The following CLSTN3 variants were observed in gnomAD, a reference collection of about 807,000 sequenced individuals.
CLSTN3 encodes calsyntenin 3.
A neutral mutation model predicts 95.9 loss-of-function variants in CLSTN3; 36 were observed. The observed-to-expected ratio is 0.38, with a 90% CI of 0.29 to 0.50. The LOEUF is 0.50. CLSTN3 is among the 20% of genes least tolerant of loss of function. The pLI is 0.95. For synonymous variants in CLSTN3, 481 were observed against 504.0 expected (o/e 0.95, Z 0.61); for missense variants, 1,084 against 1,268.8 (o/e 0.85, Z 2.21).
chr12:7,135,183 C>A, intron 3 of CLSTN3, 144 bp from the exon 4 acceptor site: 1 of 750,806 alleles, frequency 1.3e-6, no homozygotes, highest in Non-Finnish European at 2.3e-6. Flanking sequence ...TCGAACCTGT[C>A]CCTCCATGTG....
In CLSTN3 at chr12:7,134,000, C is replaced by T; in HGVS notation, c.383+232C>T. 2.3e-6 allele frequency: 1 copy of T among 436,408 alleles called. No individual in the cohort carries two copies. The highest frequency in any genetic ancestry group is 4.0e-6 in the Non-Finnish European group (1 of 247,968). 27.0% of individuals were successfully genotyped at this position (436,408 alleles called of 1,614,324 possible). A position where few individuals can be genotyped will look rare whatever the true frequency, so the allele number is the denominator to read the frequency against. ...CTAATCTTGGCTTTGCCTCTCATGA[C>T]CTTGGGCAGCCTAGCCTTTCTGGAC... On this transcript the variant is annotated intron_variant, in intron 3 of 17. Coordinates refer to ENST00000266546, the MANE Select transcript of CLSTN3 (RefSeq NM_014718.4). The surrounding 1 kb of genome is among the most constrained non-coding windows in gnomAD (Gnocchi z 4.7).
rs1939275552 is a variant in CLSTN3, at chr12:7,130,518, C to G, written c.-131C>G. On this transcript the variant is annotated 5_prime_UTR_variant, in exon 1 of 18. Coordinates refer to ENST00000266546, the MANE Select transcript of CLSTN3 (RefSeq NM_014718.4). ...TATGGACTAGTGTGGGCGGCAGGCT[C>G]CTTTCCGTCCCTGCCCTGCTGTACC... 5.8e-6 allele frequency: 9 copies of G among 1,539,584 alleles called. No homozygotes were observed. The Admixed American group carries it at 1.8e-4, about 30-fold the overall frequency.
intron 1 of CLSTN3, among the ~76,000 whole-genome samples, chr12:7,132,037 TG>T (rs1939314032): frequency 6.6e-6 from 1 of 150,982 alleles, no homozygotes; most frequent in Non-Finnish European, 1.5e-5. Flanking sequence ...GAGGCTGGGG[TG>T]GGGGGTGATG....
In CLSTN3 at chr12:7,137,538, G is replaced by C. The variant is rs555921760; in HGVS notation, c.1211-417G>C. Among the ~76,000 whole-genome samples, 3 of 152,296 alleles carry C rather than the reference G, an allele frequency of 2.0e-5. No individual in the cohort carries two copies. The South Asian group carries it at 6.2e-4, about 32-fold the overall frequency. On this transcript the variant is annotated intron_variant, in intron 7 of 17. Transcript: ENST00000266546. The surrounding 1 kb of genome is among the most constrained non-coding windows in gnomAD (Gnocchi z 4.4). ...CTCAACTGCAGGGCCTACTTCACTG[G>C]AGAGGGCTTAGTCTTGACCTGCTCT...
rs1206492325 is a variant in CLSTN3, at chr12:7,149,392, T to G, written c.2075-131T>G. ...AATGAATTGTTGCATAATGATATTC[T>G]TGAAAATGATGCTGACTTCCCTCTC... On this transcript the variant is annotated intron_variant, in intron 13 of 17. Coordinates refer to ENST00000266546, the MANE Select transcript of CLSTN3 (RefSeq NM_014718.4). This position sits in a 1 kb window ranked among gnomAD's most constrained non-coding sequence, Gnocchi z 4.5. The G allele has an allele frequency of 5.2e-6, 5 of 953,958 alleles. No homozygotes were observed. The highest frequency in any genetic ancestry group is 7.9e-6 in the Non-Finnish European group (5 of 630,648). 59.1% of individuals were successfully genotyped at this position (953,958 alleles called of 1,614,324 possible).
At chr12:7,151,722 A>G (rs772968875) in intron 16 of CLSTN3, among the ~76,000 whole-genome samples, 1 of 152,228 alleles carries the variant, frequency 6.6e-6, no homozygotes, top group East Asian at 1.9e-4. Context: ...GAGTTGCGTA[A>G]TTGTAGAAAA....
rs1432088810 is a variant in CLSTN3 at position 7,157,427 on chromosome 12, C to T, written c.2528-62C>T. 12 of 1,442,446 alleles carry T rather than the reference C, an allele frequency of 8.3e-6. No individual in the cohort carries two copies. Among genetic ancestry groups the T allele is most frequent in the Non-Finnish European group, 1.0e-5 (11 of 1,075,526 alleles). The allele number at this position is 1,442,446 out of a possible 1,614,324, so 89.4% of individuals were successfully genotyped here. On this transcript the variant is annotated intron_variant, in intron 16 of 17. Transcript: ENST00000266546. The surrounding 1 kb of genome is among the most constrained non-coding windows in gnomAD (Gnocchi z 5.9). ...GCTGCCTCTTTTCCTACCCAGCCCC[C>T]TGTCCAAGTGCCCCCAGGTGTGCCT... is the stretch of plus-strand genomic sequence containing the variant.
At chr12:7,144,982 C>T (rs1939599548) in intron 12 of CLSTN3, among the ~76,000 whole-genome samples, 1 of 151,618 alleles carries the variant, frequency 6.6e-6, no homozygotes, top group South Asian at 2.1e-4. Flanking sequence ...GGGCTGTCAT[C>T]CAGTTATGAA....
Position 7,132,863 on chromosome 12 carries a change from G to T in CLSTN3, c.65-161G>T, listed in dbSNP as rs779143173. On this transcript the variant is annotated intron_variant, in intron 1 of 17. Transcript: ENST00000266546. Reference sequence around the variant, plus strand: ...AGACCCTCTGACTCCTTTAGTAGCTGATTTCTTGTCCTCAACCACCCGCCT... The same window carrying T: ...AGACCCTCTGACTCCTTTAGTAGCTTATTTCTTGTCCTCAACCACCCGCCT... 4 of 870,098 alleles carry T rather than the reference G, an allele frequency of 4.6e-6. No homozygotes were observed. In the East Asian group the frequency reaches 1.1e-4, roughly 23 times the overall value. The allele number at this position is 870,098 out of a possible 1,614,324, so 53.9% of individuals were successfully genotyped here.
At chr12:7,129,534 TTC>T (rs1462068340), upstream of CLSTN3, 8 of 842,284 alleles carry the variant, frequency 9.5e-6, no homozygotes, top group African/African-American at 1.3e-4. The surrounding 1 kb of genome is among the most constrained non-coding windows in gnomAD (Gnocchi z 5.5). Flanking sequence ...GAGAATTTTA[TTC>T]TTTTTGGCTT....
rs770482600 is a variant in CLSTN3 at position 7,135,379 on chromosome 12, G to A, written c.436G>A (p.Val146Met). ...TGTGAACGAGTTTGCCCCAGTGTTT[G>A]TGGAACGGCTGTATCGTGCGGCTGT... ...NDVNEFAPVF[V>M]ERLYRAAVTE... Residue 146 changes from valine (V) to methionine (M), a missense_variant, in exon 4 of 18, where the codon GTG (valine) becomes ATG (methionine). By Grantham distance (21) the Val-to-Met change is conservative. Coordinates refer to ENST00000266546, the MANE Select transcript of CLSTN3 (RefSeq NM_014718.4). The A allele has an allele frequency of 1.2e-6, 2 of 1,614,168 alleles. No individual in the cohort carries two copies. Among genetic ancestry groups the A allele is most frequent in the Non-Finnish European group, 1.7e-6 (2 of 1,180,020 alleles).
chr12:7,130,975 C>T, intron 1 of CLSTN3: 2 of 570,094 alleles, frequency 3.5e-6, no homozygotes, highest in Non-Finnish European at 3.2e-6. Flanking sequence ...CATTCCCGTC[C>T]TGGGGTCTCT....
rs145584691 is a variant in CLSTN3 at position 7,141,322 on chromosome 12, C to T, written c.1404C>T (p.Phe468=). The T allele has an allele frequency of 6.2e-6, 10 of 1,614,188 alleles. No individual in the cohort carries two copies. The highest frequency in any genetic ancestry group is 6.8e-6 in the Non-Finnish European group (8 of 1,180,012). The change falls in exon 9 of 18, where the codon TTC becomes TTT. Residue 468 remains phenylalanine, a synonymous_variant. Transcript: ENST00000266546. The surrounding 1 kb of genome is among the most constrained non-coding windows in gnomAD (Gnocchi z 4.1). The part of the protein sequence containing the change: ...TVTLYTDGIS[F]DPALIHDNGL... ...CACTCTATACCGACGGCATCTCCTT[C>T]GACCCTGCCCTCATCCATGACAATG...
chr12:7,145,710 A>C (rs1939612720), intron 12 of CLSTN3, among the ~76,000 whole-genome samples: 1 of 152,180 alleles, frequency 6.6e-6, no homozygotes, highest in South Asian at 2.1e-4. Context: ...TCTATCTAGA[A>C]GTTCTGCTAG....
At position 7,150,727 on chromosome 12, in the gene CLSTN3, C is replaced by A; in HGVS notation, c.2391+38C>A. The A allele has an allele frequency of 6.2e-7, 1 of 1,602,756 alleles. No individual in the cohort carries two copies. Among genetic ancestry groups the A allele is most frequent in the Non-Finnish European group, 8.5e-7 (1 of 1,170,800 alleles). On this transcript the variant is annotated intron_variant, in intron 15 of 17. Transcript: ENST00000266546. This position sits in a 1 kb window ranked among gnomAD's most constrained non-coding sequence, Gnocchi z 4.0. The stretch of plus-strand genomic sequence containing the variant: ...TCTCCTTCCTTCCACAGTTACCCAC[C>A]CCCAGAAAGGAGCTGAGGTGGCATG...
At chr12:7,132,415 C>G (rs1939323313) in intron 1 of CLSTN3, 1 of 204,098 alleles carries the variant, frequency 4.9e-6, no homozygotes, top group Non-Finnish European at 1.0e-5. Flanking sequence ...ATTCCTGCCC[C>G]TCTCTGCCCC....
chr12:7,129,797 G>A, upstream of CLSTN3: 2 of 985,772 alleles, frequency 2.0e-6, no homozygotes, highest in Non-Finnish European at 2.4e-6. The surrounding 1 kb of genome is among the most constrained non-coding windows in gnomAD (Gnocchi z 5.5). Flanking sequence ...GGCAGGACAG[G>A]TAGGCAGGAG....
chr12:7,130,311 C>CG (rs1361456974), upstream of CLSTN3: 7 of 681,192 alleles, frequency 1.0e-5, no homozygotes, highest in East Asian at 4.0e-4. Context: ...GGTCCCCCCC[C>CG]CTCCCAGTCA....
rs762711956 is a variant in CLSTN3, at chr12:7,149,542, G to A, written c.2094G>A (p.Ser698=). 9.9e-6 allele frequency: 16 copies of A among 1,613,594 alleles called. No individual in the cohort carries two copies. In the Admixed American group the frequency reaches 1.0e-4, roughly 10 times the overall value. The change falls in exon 14 of 18, where the codon TCG becomes TCA. Residue 698 remains serine (S), a synonymous_variant. Coordinates refer to ENST00000266546, the MANE Select transcript of CLSTN3 (RefSeq NM_014718.4). The surrounding 1 kb of genome is among the most constrained non-coding windows in gnomAD (Gnocchi z 4.5). ...WQGTVTDTRM[S]DEIVHNLDGC... is the part of the protein sequence containing the mutation. ...ACCCAGTGACAGACACACGCATGTC[G>A]GATGAGATTGTGCACAACCTGGATG... is the stretch of plus-strand genomic sequence containing the variant.
Sources: gnomAD v4.1 joint callset for allele counts (sites outside exome capture counted in the v4.1 genomes callset) on GRCh38, gnomAD v4.1.1 for gene constraint, Gnocchi (gnomAD v3.1) non-coding constraint, MANE v1.5 for transcripts, NCBI Gene and HGNC (gene_info 2026-07-23, HGNC 2026-07-21) for gene names.